The following SMARCA2 variants were observed in gnomAD, a reference collection of about 807,000 sequenced individuals.
SMARCA2 encodes the protein SWI/SNF-related matrix-associated actin-dependent regulator of chromatin subfamily A member 2.
In SMARCA2, 61 loss-of-function variants were observed where a neutral mutation model predicts 199.8. The observed-to-expected ratio is 0.31, with a 90% CI of 0.25 to 0.38. The LOEUF is 0.38. SMARCA2 is among the 10% of genes least tolerant of loss of function. The pLI, the probability that SMARCA2 is intolerant of heterozygous loss-of-function variation, is 1.00. For synonymous variants in SMARCA2, 935 were observed against 732.0 expected (o/e 1.28, Z -4.48); for missense variants, 1,344 against 2,012.2 (o/e 0.67, Z 6.35).
intron 21 of SMARCA2, among the ~76,000 whole-genome samples, chr9:2,100,811 G>A (rs1822476372): frequency 1.3e-5 from 2 of 152,012 alleles, no homozygotes; most frequent in Non-Finnish European, 2.9e-5. Context: ...TATTAGTCCA[G>A]TTTGATGCTG....
At position 2,141,048 on chromosome 9, in the gene SMARCA2, T is replaced by A. The variant is rs140090358; in HGVS notation, c.3981+17111T>A. Among the ~76,000 whole-genome samples, 546 of 152,256 alleles carry A rather than the reference T, an allele frequency of 3.6e-3. 4 individuals are homozygous for A. The highest frequency in any genetic ancestry group is 0.011 in the African/African-American group (442 of 41,548). On this transcript the variant is annotated intron_variant, in intron 27 of 33. Coordinates refer to ENST00000349721, the MANE Select transcript of SMARCA2 (RefSeq NM_003070.5). ...CTCTTTTTAAGTGACCTGTCACCTC[T>A]CATGTAGTCAATGCTTTCTTACTGC...
intron 31 of SMARCA2, among the ~76,000 whole-genome samples, chr9:2,183,727 T>G (rs1295023821): frequency 2.0e-5 from 3 of 152,214 alleles, no homozygotes. Context: ...CAGGAGGTCT[T>G]GAAAGCAAGC....
chr9:2,020,626 G>A (rs1312148498), intron 1 of SMARCA2, among the ~76,000 whole-genome samples: 1 of 152,130 alleles, frequency 6.6e-6, no homozygotes, highest in East Asian at 1.9e-4. Context: ...TGGCAAAACT[G>A]CAGCTTTCTT....
At chr9:2,176,220 C>T (rs893068581) in intron 29 of SMARCA2, among the ~76,000 whole-genome samples, 1 of 132,480 alleles carries the variant, frequency 7.5e-6, no homozygotes, top group South Asian at 2.3e-4. Context: ...ACGTAACAAG[C>T]ATTTTTTTCT....
intron 29 of SMARCA2, among the ~76,000 whole-genome samples, chr9:2,173,600 G>A (rs1886262): frequency 0.067 from 10,198 of 152,206 alleles, 380 homozygotes; most frequent in Middle Eastern, 0.12. Context: ...AGTTTATCGT[G>A]TAGAGTAGCA....
At chr9:2,138,907 A>T (rs1308690043) in intron 27 of SMARCA2, among the ~76,000 whole-genome samples, 2 of 152,104 alleles carry the variant, frequency 1.3e-5, no homozygotes, top group Admixed American at 1.3e-4. Context: ...TGTGGGTGAG[A>T]GATTTTTCTC....
At position 2,039,854 on chromosome 9, in the gene SMARCA2, G is replaced by T. The variant is rs530795662; in HGVS notation, c.744G>T (p.Thr248=). ...AGCAGCAGCCGCCGCAACCACAGAC[G>T]CAGCAACAACAGCAGCCGGCCCTTG... The part of the protein sequence containing the change: ...QPQQQPPQPQ[T]QQQQQPALVN... The change falls in exon 4 of 34, where the codon ACG becomes ACT. Residue 248 remains threonine (T), a synonymous_variant. Transcript: ENST00000349721. The surrounding 1 kb of genome is among the most constrained non-coding windows in gnomAD (Gnocchi z 4.8). The T allele has an allele frequency of 1.7e-5, 27 of 1,613,518 alleles. No individual in the cohort carries two copies. Among genetic ancestry groups the T allele is most frequent in the Non-Finnish European group, 2.3e-5 (27 of 1,179,852 alleles).
chr9:2,146,396 G>A (rs1344576429), intron 27 of SMARCA2, among the ~76,000 whole-genome samples: 1 of 152,126 alleles, frequency 6.6e-6, no homozygotes, highest in Admixed American at 6.6e-5. Flanking sequence ...GGATGGGTAG[G>A]ATCAGATCAT....
chr9:2,143,854 A>G (rs1202279689), intron 27 of SMARCA2, among the ~76,000 whole-genome samples: 1 of 152,220 alleles, frequency 6.6e-6, no homozygotes, highest in Non-Finnish European at 1.5e-5. Flanking sequence ...ATAATTTTTG[A>G]AGCCATATGC....
chr9:2,188,117 G>A (rs1473171292), intron 32 of SMARCA2, among the ~76,000 whole-genome samples: 1 of 152,130 alleles, frequency 6.6e-6, no homozygotes, highest in Non-Finnish European at 1.5e-5. Context: ...TTTGGAAAAT[G>A]TAATGATTTT....
intron 19 of SMARCA2, among the ~76,000 whole-genome samples, chr9:2,090,722 C>T (rs1240579989): frequency 6.6e-6 from 1 of 152,160 alleles, no homozygotes; most frequent in Non-Finnish European, 1.5e-5. Flanking sequence ...TCGCTGTTCT[C>T]TTGTCTTTGC....
intron 33 of SMARCA2, chr9:2,191,697 G>A (rs1827897462): frequency 1.2e-5 from 3 of 256,518 alleles, no homozygotes; most frequent in South Asian, 1.5e-4. Context: ...TATAAATATG[G>A]TTTTCCCCGT....
At position 2,032,902 on chromosome 9, in the gene SMARCA2, A is replaced by T. The variant is rs754831942; in HGVS notation, c.226-50A>T. 9 of 1,559,566 alleles carry T rather than the reference A, an allele frequency of 5.8e-6. No homozygotes were observed. In the Admixed American group the frequency reaches 1.6e-4, roughly 28 times the overall value. On this transcript the variant is annotated intron_variant, in intron 2 of 33. Coordinates refer to ENST00000349721, the MANE Select transcript of SMARCA2 (RefSeq NM_003070.5). ...AAGGGGTCTGAAAACTCCAAATAGAAATATTTTACCTTATAGAGGTGTCTA... is the reference window on the plus strand; with the variant it reads ...AAGGGGTCTGAAAACTCCAAATAGATATATTTTACCTTATAGAGGTGTCTA...
At chr9:2,177,531 C>T (rs1586798042) in intron 29 of SMARCA2, among the ~76,000 whole-genome samples, 1 of 152,150 alleles carries the variant, frequency 6.6e-6, no homozygotes, top group South Asian at 2.1e-4. Flanking sequence ...CATTAAAAGA[C>T]ATAACCAGTA....
chr9:2,098,488 C>T (rs1822365853), intron 21 of SMARCA2, among the ~76,000 whole-genome samples: 1 of 152,172 alleles, frequency 6.6e-6, no homozygotes, highest in Non-Finnish European at 1.5e-5. Context: ...GGAAAGATTT[C>T]TGACACTGCT....
intron 27 of SMARCA2, among the ~76,000 whole-genome samples, chr9:2,146,796 C>G (rs1211034646): frequency 6.6e-6 from 1 of 152,112 alleles, no homozygotes; most frequent in Non-Finnish European, 1.5e-5. Flanking sequence ...TGTAAACTGT[C>G]ATGGCTCTGG....
Position 2,161,460 on chromosome 9 carries a change from G to T in SMARCA2, c.3982-226G>T, listed in dbSNP as rs1012187076. 6.6e-6 allele frequency among the ~76,000 whole-genome samples: 1 copy of T among 152,142 alleles called. No individual in the cohort carries two copies. Among genetic ancestry groups the T allele is most frequent in the Non-Finnish European group, 1.5e-5 (1 of 68,018 alleles). ...TTACTGTGAGTGTTTTGGGCCTTCA[G>T]TGTGTTTTGCTCATGAAACAGACTT... On this transcript the variant is annotated intron_variant, in intron 27 of 33. Coordinates refer to ENST00000349721, the MANE Select transcript of SMARCA2 (RefSeq NM_003070.5). This position sits in a 1 kb window ranked among gnomAD's most constrained non-coding sequence, Gnocchi z 4.7.
chr9:2,139,168 GGCT>G (rs1214901789), intron 27 of SMARCA2, among the ~76,000 whole-genome samples: 2 of 152,210 alleles, frequency 1.3e-5, no homozygotes, highest in Non-Finnish European at 2.9e-5. Flanking sequence ...TCTTCCTTCT[GGCT>G]GCACAAAGCC....
At position 2,077,641 on chromosome 9, in the gene SMARCA2, A is replaced by C. The variant is rs1821385495; in HGVS notation, c.2049A>C (p.Gln683His). Residue 683 changes from glutamine (Q) to histidine (H), a missense_variant, in exon 14 of 34, where the codon CAA becomes CAC. Transcript: ENST00000349721. ...TTTCCTTTCCCAGGACAGCTAAGCA[A>C]GACGTGGATGATGAATACAGCATGC... Reference protein sequence around the residue: ...DAKQIIETAKQDVDDEYSMQY... With the variant: ...DAKQIIETAKHDVDDEYSMQY... 1.9e-6 allele frequency: 3 copies of C among 1,613,852 alleles called. No homozygotes were observed. The highest frequency in any genetic ancestry group is 2.5e-6 in the Non-Finnish European group (3 of 1,179,766).
Sources: allele counts gnomAD v4.1 joint callset (sites outside exome capture counted in the v4.1 genomes callset), GRCh38; gene constraint gnomAD v4.1.1; non-coding constraint Gnocchi (gnomAD v3.1); transcripts MANE v1.5; gene names NCBI Gene and HGNC (gene_info 2026-07-23, HGNC 2026-07-21).